SPIDR: variants seen among roughly 807,000 people sequenced by gnomAD.
The protein encoded by SPIDR is DNA repair-scaffolding protein.
A neutral mutation model predicts 104.6 loss-of-function variants in SPIDR; 93 were observed. The ratio of observed to expected loss-of-function variants is 0.89; its 90% CI spans 0.75 to 1.06. The LOEUF (loss-of-function observed/expected upper bound fraction) is 1.06. Among genes scored for constraint, SPIDR ranks in the 50% least tolerant of loss-of-function variants. The probability of loss-of-function intolerance (pLI) is 0.00; values close to 1 mark genes in which losing one functional copy is unlikely to be tolerated. For synonymous variants in SPIDR, 431 were observed against 416.9 expected, an observed-to-expected ratio of 1.03 and a Z score of -0.41; for missense variants, 1,154 against 1,111.2, an observed-to-expected ratio of 1.04 and a Z score of -0.55.
chr8:47,311,545 G>A (rs2044155963), intron 5 of SPIDR, among the ~76,000 whole-genome samples: 1 of 152,162 alleles, frequency 6.6e-6, no homozygotes, highest in South Asian at 2.1e-4. Context: ...CTGCCTAGTT[G>A]CAGTGGCTTA....
intron 11 of SPIDR, among the ~76,000 whole-genome samples, chr8:47,676,892 C>A (rs1233995720): frequency 6.6e-6 from 1 of 152,256 alleles, no homozygotes; most frequent in East Asian, 1.9e-4. Context: ...GCTCCAGCCA[C>A]CTGCTTTGGT....
chr8:47,380,615 T>C (rs1554644956), intron 5 of SPIDR, among the ~76,000 whole-genome samples: 1 of 151,994 alleles, frequency 6.6e-6, no homozygotes, highest in Non-Finnish European at 1.5e-5. Context: ...AGGCTGACGA[T>C]AGGTGGAGGG....
chr8:47,454,335 A>G (rs1585980934), intron 8 of SPIDR, among the ~76,000 whole-genome samples: 2 of 152,124 alleles, frequency 1.3e-5, no homozygotes, highest in Non-Finnish European at 2.9e-5. Context: ...TAGGGATATG[A>G]ATGAAGCTGG....
At chr8:47,289,435 A>G (rs1415850726) in intron 3 of SPIDR, among the ~76,000 whole-genome samples, 2 of 152,192 alleles carry the variant, frequency 1.3e-5, no homozygotes, top group East Asian at 1.9e-4. Flanking sequence ...TTTTAGCATT[A>G]TATTTACAAT....
intron 8 of SPIDR, among the ~76,000 whole-genome samples, chr8:47,589,983 C>T (rs1334634054): frequency 6.6e-6 from 1 of 152,002 alleles, no homozygotes; most frequent in East Asian, 1.9e-4. Context: ...TCCTGACCAA[C>T]ATGGTGAATG....
intron 10 of SPIDR, among the ~76,000 whole-genome samples, chr8:47,632,616 T>TGTC (rs2067243876): frequency 6.6e-6 from 1 of 152,212 alleles, no homozygotes; most frequent in Non-Finnish European, 1.5e-5. Context: ...CAAACTCTAA[T>TGTC]GGTCCTCATT....
At chr8:47,424,061 T>G (rs1302576390) in intron 7 of SPIDR, among the ~76,000 whole-genome samples, 2 of 152,116 alleles carry the variant, frequency 1.3e-5, no homozygotes, top group African/African-American at 4.8e-5. Context: ...TATGGATGGG[T>G]ACAGCCTTGT....
At chr8:47,527,987 G>C (rs1225829773) in intron 8 of SPIDR, 1 of 152,112 alleles carries the variant, frequency 6.6e-6, no homozygotes, top group African/African-American at 2.4e-5. Flanking sequence ...CTGGTTCTGT[G>C]GAAAGACTCT....
intron 12 of SPIDR, among the ~76,000 whole-genome samples, chr8:47,701,283 T>G (rs1459633342): frequency 6.6e-6 from 1 of 152,166 alleles, no homozygotes; most frequent in Non-Finnish European, 1.5e-5. Flanking sequence ...AAATACAAAG[T>G]TAGCTGGGCA....
chr8:47,387,485 AG>A (rs1354217847), intron 5 of SPIDR, among the ~76,000 whole-genome samples: 1 of 152,156 alleles, frequency 6.6e-6, no homozygotes, highest in Non-Finnish European at 1.5e-5. Context: ...GGTGGAGAGA[AG>A]GGGGCACATC....
chr8:47,341,185 G>A (rs1243513072), intron 5 of SPIDR, among the ~76,000 whole-genome samples: 1 of 152,196 alleles, frequency 6.6e-6, no homozygotes, highest in African/African-American at 2.4e-5. Context: ...AGTACACTCA[G>A]TTGGCATTAG....
At position 47,735,583 on chromosome 8, in the gene SPIDR, T is replaced by C; in HGVS notation, c.*133T>C. 2 of 1,513,784 alleles carry C rather than the reference T, an allele frequency of 1.3e-6. No individual in the cohort carries two copies. The highest frequency in any genetic ancestry group is 1.8e-6 in the Non-Finnish European group (2 of 1,123,872). 93.8% of individuals were successfully genotyped at this position (1,513,784 alleles called of 1,614,324 possible). A position where few individuals can be genotyped will look rare whatever the true frequency, so the allele number is the denominator to read the frequency against. ...ACGATCTTGAAATGAAACTTAGATT[T>C]TTCTGGGGAAATGTTCAGATACAGT... On this transcript the variant is annotated 3_prime_UTR_variant, in exon 20 of 20. Coordinates refer to ENST00000297423, the MANE Select transcript of SPIDR (RefSeq NM_001080394.4).
At chr8:47,320,733 G>A (rs1398140016) in intron 5 of SPIDR, among the ~76,000 whole-genome samples, 3 of 152,066 alleles carry the variant, frequency 2.0e-5, no homozygotes, top group African/African-American at 7.2e-5. Flanking sequence ...GCATCACATG[G>A]AAAAGCTTAT....
At chr8:47,272,286 C>T (rs891596756) in intron 1 of SPIDR, among the ~76,000 whole-genome samples, 1 of 151,966 alleles carries the variant, frequency 6.6e-6, no homozygotes, top group African/African-American at 2.4e-5. Context: ...TGCTTGAAAA[C>T]TGGACGTTTT....
At chr8:47,592,344 A>T (rs1231883832) in intron 8 of SPIDR, 1 of 1,198,324 alleles carries the variant, frequency 8.3e-7, no homozygotes, top group Non-Finnish European at 1.2e-6. Context: ...AAATATCGAA[A>T]CATATTCTTC....
chr8:47,372,796 T>C (rs1037395478), intron 5 of SPIDR, among the ~76,000 whole-genome samples: 2 of 152,212 alleles, frequency 1.3e-5, no homozygotes, highest in Non-Finnish European at 2.9e-5. Context: ...CTAATGGTGA[T>C]TGGGCTTCTA....
rs188409894 is a variant in SPIDR at position 47,492,189 on chromosome 8, A to G, written c.1097+51647A>G. Among the ~76,000 whole-genome samples, 500 of 152,044 alleles carry G rather than the reference A, an allele frequency of 3.3e-3. 3 individuals are homozygous for G. The highest frequency in any genetic ancestry group is 4.7e-3 in the Non-Finnish European group (317 of 67,968). ...GGCCCAGGCTGTTCTCTAGTAGCAAACTCCCAACCTACATACCATGTCTTT... is the reference window on the plus strand; with the variant it reads ...GGCCCAGGCTGTTCTCTAGTAGCAAGCTCCCAACCTACATACCATGTCTTT... On this transcript the variant is annotated intron_variant, in intron 8 of 19. Coordinates refer to ENST00000297423, the MANE Select transcript of SPIDR (RefSeq NM_001080394.4).
At chr8:47,710,113 A>G (rs538408256) in intron 14 of SPIDR, among the ~76,000 whole-genome samples, 149 of 152,168 alleles carry the variant, frequency 9.8e-4, no homozygotes, top group Non-Finnish European at 1.9e-3. Context: ...CCTGACCTCA[A>G]GTGATCCACC....
At chr8:47,564,072 CTT>C (rs869220760) in intron 8 of SPIDR, among the ~76,000 whole-genome samples, 7 of 76,832 alleles carry the variant, frequency 9.1e-5, no homozygotes, top group African/African-American at 1.5e-4. Flanking sequence ...TTTTTCTTTT[CTT>C]TTTTTTTTTT....
Sources: allele counts gnomAD v4.1 joint callset (sites outside exome capture counted in the v4.1 genomes callset), GRCh38; gene constraint gnomAD v4.1.1; transcripts MANE v1.5; gene names NCBI Gene and HGNC (gene_info 2026-07-23, HGNC 2026-07-21).